The following ITPKB variants were observed in gnomAD, a reference collection of about 807,000 sequenced individuals.
The protein encoded by ITPKB is IP3 3-kinase B.
ITPKB carries 13 observed loss-of-function variants against 69.4 expected under a neutral mutation model. The ratio of observed to expected loss-of-function variants is 0.19; its 90% CI spans 0.12 to 0.30. ITPKB has a LOEUF of 0.30. Among genes scored for constraint, ITPKB ranks in the 10% least tolerant of loss-of-function variants. ITPKB has a pLI of 1.00. For synonymous variants in ITPKB, 584 were observed against 513.7 expected (o/e 1.14, Z -1.85); for missense variants, 1,240 against 1,250.5 (o/e 0.99, Z 0.13).
intron 2 of ITPKB, among the ~76,000 whole-genome samples, chr1:226,665,860 C>T (rs1455841915): frequency 6.6e-6 from 1 of 152,218 alleles, no homozygotes; most frequent in Non-Finnish European, 1.5e-5. Context: ...GGCGAGGAGA[C>T]ACTCACGGAA....
chr1:226,689,586 T>TGA (rs1364980077), intron 2 of ITPKB, among the ~76,000 whole-genome samples: 7 of 150,968 alleles, frequency 4.6e-5, no homozygotes, highest in South Asian at 4.2e-4. Context: ...TGTGTGTGTG[T>TGA]GTGTGTGTGT....
chr1:226,728,342 A>C (rs927107681), intron 2 of ITPKB, among the ~76,000 whole-genome samples: 7 of 152,228 alleles, frequency 4.6e-5, no homozygotes, highest in Non-Finnish European at 8.8e-5. Flanking sequence ...AAAGCTCAAC[A>C]GAGGAGAAAA....
At position 226,735,913 on chromosome 1, in the gene ITPKB, C is replaced by G. The variant is rs755884492; in HGVS notation, c.1546G>C (p.Ala516Pro). The G allele has an allele frequency of 3.2e-5, 51 of 1,613,624 alleles. No homozygotes were observed. Among genetic ancestry groups the G allele is most frequent in the Admixed American group, 1.7e-5 (1 of 59,996 alleles). ...GTGCCACGCGTCCAAGCCAAACCGG[C>G]TTTCTCCATGGTGCCCTGCCAAACC... ...SRVWQGTMEKAGLAWTRGTGV... is the reference protein window; with the variant it reads ...SRVWQGTMEKPGLAWTRGTGV... The change falls in exon 2 of 8, where the codon GCC (alanine) becomes CCC (proline). Residue 516 changes from alanine to proline, a missense_variant. Coordinates refer to ENST00000429204, the MANE Select transcript of ITPKB (RefSeq NM_002221.4).
intron 2 of ITPKB, among the ~76,000 whole-genome samples, chr1:226,651,285 G>A (rs926882557): frequency 4.6e-5 from 7 of 152,194 alleles, no homozygotes; most frequent in Admixed American, 3.9e-4. Flanking sequence ...GGGAGAGCGT[G>A]GGGCGTTGAG....
intron 2 of ITPKB, among the ~76,000 whole-genome samples, chr1:226,701,339 T>C (rs1174623962): frequency 6.6e-6 from 1 of 152,108 alleles, no homozygotes; most frequent in Non-Finnish European, 1.5e-5. Flanking sequence ...GCGCGGTGGC[T>C]CACGCCTGTA....
At chr1:226,660,552 A>G (rs1669381946) in intron 2 of ITPKB, among the ~76,000 whole-genome samples, 1 of 152,164 alleles carries the variant, frequency 6.6e-6, no homozygotes, top group African/African-American at 2.4e-5. Context: ...CCTGGATTCC[A>G]TCCTCTTAAG....
chr1:226,641,802 C>T lies in ITPKB; in HGVS notation c.2451+119G>A. ...AAATGTCTGGCCTTGGGGCGGGCCA[C>T]CCACATTCTGAGCCTGTGCCTGGAG... On this transcript the variant is annotated intron_variant, in intron 5 of 7. Transcript: ENST00000429204. The surrounding 1 kb of genome is among the most constrained non-coding windows in gnomAD (Gnocchi z 4.6). The T allele has an allele frequency of 7.4e-6, 7 of 947,602 alleles. No homozygotes were observed. In the South Asian group the frequency reaches 9.4e-5, roughly 13 times the overall value. The allele number at this position is 947,602 out of a possible 1,614,324, so 58.7% of individuals were successfully genotyped here.
At chr1:226,732,440 G>T (rs975193896) in intron 2 of ITPKB, among the ~76,000 whole-genome samples, 16 of 151,918 alleles carry the variant, frequency 1.1e-4, no homozygotes, top group Non-Finnish European at 2.2e-4. Flanking sequence ...GTTTCACCAT[G>T]TTGGCCAGGC....
chr1:226,701,376 A>G (rs1010351664), intron 2 of ITPKB, among the ~76,000 whole-genome samples: 1 of 151,968 alleles, frequency 6.6e-6, no homozygotes, highest in Non-Finnish European at 1.5e-5. Context: ...AGGCCGAGGC[A>G]GGCGGATCAC....
intron 7 of ITPKB, among the ~76,000 whole-genome samples, chr1:226,636,255 G>A (rs1359724744): frequency 6.6e-6 from 1 of 152,228 alleles, no homozygotes; most frequent in Non-Finnish European, 1.5e-5. Context: ...GCAGGTGGCA[G>A]GAGGATGCTT....
chr1:226,662,943 TC>T (rs1346601422), intron 2 of ITPKB, among the ~76,000 whole-genome samples: 1 of 152,110 alleles, frequency 6.6e-6, no homozygotes. Flanking sequence ...TCACCCAGCT[TC>T]CCTCTCCTGA....
chr1:226,681,638 A>C (rs1656096179), intron 2 of ITPKB, among the ~76,000 whole-genome samples: 1 of 152,218 alleles, frequency 6.6e-6, no homozygotes, highest in Non-Finnish European at 1.5e-5. Flanking sequence ...TTTTCTTTTA[A>C]AGCCCAATTT....
chr1:226,651,761 A>G (rs897046534), intron 2 of ITPKB, among the ~76,000 whole-genome samples: 6 of 152,212 alleles, frequency 3.9e-5, no homozygotes, highest in Admixed American at 6.5e-5. Flanking sequence ...CCCAGAGGCT[A>G]AAGACCAGGG....
chr1:226,657,748 G>C (rs74139717), intron 2 of ITPKB, among the ~76,000 whole-genome samples: 5,618 of 152,278 alleles, frequency 0.037, 361 homozygotes, highest in African/African-American at 0.13. Flanking sequence ...ACTTGCAAAA[G>C]GTCACACAGC....
At chr1:226,729,344 T>C (rs971880435) in intron 2 of ITPKB, among the ~76,000 whole-genome samples, 8 of 151,692 alleles carry the variant, frequency 5.3e-5, no homozygotes, top group Non-Finnish European at 1.2e-4. Context: ...TATCCGGGCA[T>C]GGTGGCATGC....
At position 226,649,491 on chromosome 1, in the gene ITPKB, AGT is replaced by A. The variant is rs749578686; in HGVS notation, c.1933-722_1933-721del. On this transcript the variant is annotated intron_variant, in intron 2 of 7. Coordinates refer to ENST00000429204, the MANE Select transcript of ITPKB (RefSeq NM_002221.4). ...GCATGTATGTGCATATGTGTGCATCAGTGTGTGCATGCGTGATATGTGCATGT... is the reference window on the plus strand; with the variant it reads ...GCATGTATGTGCATATGTGTGCATCAGTGTGCATGCGTGATATGTGCATGT... Among the ~76,000 whole-genome samples the A allele has an allele frequency of 6.4e-5, 9 of 140,978 alleles. No homozygotes were observed. The South Asian group carries it at 9.0e-4, about 14-fold the overall frequency. The allele number at this position is 140,978 out of a possible 152,430, so 92.5% of individuals were successfully genotyped here. A position where few individuals can be genotyped will look rare whatever the true frequency, so the allele number is the denominator to read the frequency against.
chr1:226,735,520 G>A lies in ITPKB; in HGVS notation c.1932+7C>T. The A allele has an allele frequency of 6.6e-7, 1 of 1,505,054 alleles. No homozygotes were observed. 93.2% of individuals were successfully genotyped at this position (1,505,054 alleles called of 1,614,324 possible). ...GAGTTCTGGGCAAATCTCAGAGCAA[G>A]ACTTACCACTCTAGGTTTCTGCTGG... is the stretch of plus-strand genomic sequence containing the variant. On this transcript the variant is annotated splice_region_variant and intron_variant, in intron 2 of 7. Coordinates refer to ENST00000429204, the MANE Select transcript of ITPKB (RefSeq NM_002221.4).
intron 2 of ITPKB, among the ~76,000 whole-genome samples, chr1:226,672,850 T>C (rs1669645350): frequency 6.6e-6 from 1 of 152,236 alleles, no homozygotes; most frequent in Admixed American, 6.5e-5. Flanking sequence ...TATTTCAGGC[T>C]GCAGCTGCTA....
At chr1:226,704,443 A>G (rs1211316563) in intron 2 of ITPKB, among the ~76,000 whole-genome samples, 2 of 152,238 alleles carry the variant, frequency 1.3e-5, no homozygotes, top group Non-Finnish European at 2.9e-5. Flanking sequence ...CGTGTGTGCT[A>G]ATGAAGATGT....
Sources: allele counts gnomAD v4.1 joint callset (sites outside exome capture counted in the v4.1 genomes callset), GRCh38; gene constraint gnomAD v4.1.1; non-coding constraint Gnocchi (gnomAD v3.1); transcripts MANE v1.5; gene names NCBI Gene and HGNC (gene_info 2026-07-23, HGNC 2026-07-21).